The following SEPTIN7 variants were observed in gnomAD, a reference collection of about 807,000 sequenced individuals.
The protein encoded by SEPTIN7 is septin 7.
A neutral mutation model predicts 63.3 loss-of-function variants in SEPTIN7; 10 were observed. That is an observed-to-expected ratio of 0.16 (90% CI 0.10 to 0.27). SEPTIN7 has a LOEUF of 0.27. Ranked by LOEUF, SEPTIN7 falls within the 10% of genes least tolerant of loss-of-function variation. The pLI, the probability that SEPTIN7 is intolerant of heterozygous loss-of-function variation, is 1.00. For missense variants in SEPTIN7, 310 were observed against 521.0 expected (o/e 0.59, Z 3.94); for synonymous variants, 131 against 165.3 (o/e 0.79, Z 1.59).
chr7:35,877,219 C>T (rs1319222079), intron 6 of SEPTIN7, among the ~76,000 whole-genome samples: 2 of 151,984 alleles, frequency 1.3e-5, no homozygotes, highest in Non-Finnish European at 2.9e-5. Flanking sequence ...ACACTTTTTT[C>T]GTTGTGCTCC....
rs1562536632 is a variant in SEPTIN7 at position 35,838,240 on chromosome 7, C to CTTACTTA, written c.169+5340_169+5341insTTACTTA. ...CTTGATTTTTATATTATCCAAACTT[C>CTTACTTA]CTTCCTTCCTTCCTTCCTTCCTTCC... is the stretch of plus-strand genomic sequence containing the variant. On this transcript the variant is annotated intron_variant, in intron 3 of 13. Transcript: ENST00000350320. Among the ~76,000 whole-genome samples, 29 of 34,782 alleles carry CTTACTTA rather than the reference C, an allele frequency of 8.3e-4. 3 individuals are homozygous for CTTACTTA. Among genetic ancestry groups the CTTACTTA allele is most frequent in the African/African-American group, 1.8e-3 (15 of 8,170 alleles). The allele number at this position is 34,782 out of a possible 152,430, so 22.8% of individuals were successfully genotyped here. A position where few individuals can be genotyped will look rare whatever the true frequency, so the allele number is the denominator to read the frequency against.
chr7:35,883,804 T>C, intron 8 of SEPTIN7, 87 bp from the exon 9 acceptor site: 1 of 615,446 alleles, frequency 1.6e-6, no homozygotes, highest in Admixed American at 3.5e-5. Context: ...TTTTTTTGGC[T>C]AACCTGTTGA....
At position 35,906,266 on chromosome 7, in the gene SEPTIN7, A is replaced by T. The variant is rs1304488437; in HGVS notation, c.*1973A>T. On this transcript the variant is annotated 3_prime_UTR_variant, in exon 14 of 14. Coordinates refer to ENST00000350320, the MANE Select transcript of SEPTIN7 (RefSeq NM_001788.6). ...TTCTACCATCCTAATGAAAACTTTCAGAAGTCTTTCTTTATCCATGGCATG... is the reference window on the plus strand; with the variant it reads ...TTCTACCATCCTAATGAAAACTTTCTGAAGTCTTTCTTTATCCATGGCATG... 1 of 152,246 alleles carries T rather than the reference A, an allele frequency of 6.6e-6. No homozygotes were observed. Among genetic ancestry groups the T allele is most frequent in the Admixed American group, 6.5e-5 (1 of 15,284 alleles). 9.4% of individuals were successfully genotyped at this position (152,246 alleles called of 1,614,324 possible). A position where few individuals can be genotyped will look rare whatever the true frequency, so the allele number is the denominator to read the frequency against.
At chr7:35,807,279 G>T (rs1359661864) in intron 1 of SEPTIN7, among the ~76,000 whole-genome samples, 1 of 150,230 alleles carries the variant, frequency 6.7e-6, no homozygotes, top group Non-Finnish European at 1.5e-5. Flanking sequence ...CGCCTCCCCG[G>T]TTCAAGTGAT....
intron 10 of SEPTIN7, among the ~76,000 whole-genome samples, chr7:35,888,309 A>G (rs1189400694): frequency 6.6e-6 from 1 of 152,224 alleles, no homozygotes; most frequent in Non-Finnish European, 1.5e-5. Context: ...TGAAAAAATC[A>G]GAATTATGTA....
chr7:35,819,027 T>A (rs1789252597), intron 1 of SEPTIN7, among the ~76,000 whole-genome samples: 1 of 152,082 alleles, frequency 6.6e-6, no homozygotes, highest in Non-Finnish European at 1.5e-5. Flanking sequence ...ATTCTTTTTC[T>A]AGTTTCTTGA....
At chr7:35,851,169 A>G (rs780865444) in intron 3 of SEPTIN7, among the ~76,000 whole-genome samples, 1 of 152,144 alleles carries the variant, frequency 6.6e-6, no homozygotes, top group Admixed American at 6.5e-5. Context: ...CAAGTCCTCA[A>G]AGATAAGAAG....
downstream of SEPTIN7, among the ~76,000 whole-genome samples, chr7:35,909,306 A>G (rs977709743): frequency 2.0e-5 from 3 of 152,176 alleles, no homozygotes; most frequent in Non-Finnish European, 4.4e-5. Context: ...CAGGAACTCA[A>G]ATTGGCATTT....
intron 1 of SEPTIN7, chr7:35,803,267 A>G (rs1788115233): frequency 2.7e-6 from 1 of 365,848 alleles, no homozygotes; most frequent in African/African-American, 2.2e-5. Context: ...AGATTTGCAC[A>G]TTGTCCCGTA....
intron 1 of SEPTIN7, among the ~76,000 whole-genome samples, chr7:35,826,328 ATTAC>A (rs1461798181): frequency 6.6e-6 from 1 of 151,104 alleles, no homozygotes; most frequent in African/African-American, 2.4e-5. Flanking sequence ...CATATTTAGA[ATTAC>A]TTACACTTTA....
intron 1 of SEPTIN7, among the ~76,000 whole-genome samples, chr7:35,829,513 C>T (rs753152286): frequency 2.0e-5 from 3 of 152,126 alleles, no homozygotes; most frequent in Admixed American, 6.5e-5. Context: ...AAAGACTGTT[C>T]TTGTTGCTAA....
chr7:35,914,677 AC>A, the SEPTIN7 span, among the ~76,000 whole-genome samples: 1 of 151,732 alleles, frequency 6.6e-6, no homozygotes, highest in African/African-American at 2.4e-5. Flanking sequence ...ATATATACAC[AC>A]ACACACATAA....
intron 1 of SEPTIN7, among the ~76,000 whole-genome samples, chr7:35,806,685 G>T (rs1340866429): frequency 6.6e-6 from 1 of 152,194 alleles, no homozygotes; most frequent in Non-Finnish European, 1.5e-5. Flanking sequence ...CCCTGTTGGA[G>T]TTCTCCTTCT....
intron 1 of SEPTIN7, among the ~76,000 whole-genome samples, chr7:35,824,164 C>T (rs1583510647): frequency 6.6e-6 from 1 of 151,794 alleles, no homozygotes; most frequent in East Asian, 1.9e-4. Context: ...CTGCCTTCTT[C>T]CCCTATCTTT....
chr7:35,899,770 A>G (rs1788199296), intron 12 of SEPTIN7: 1 of 152,136 alleles, frequency 6.6e-6, no homozygotes, highest in Admixed American at 6.5e-5. Flanking sequence ...TATGGTCCCA[A>G]CTACTCAGGA....
At chr7:35,894,874 G>A (rs1787869822) in intron 11 of SEPTIN7, among the ~76,000 whole-genome samples, 1 of 152,168 alleles carries the variant, frequency 6.6e-6, no homozygotes, top group African/African-American at 2.4e-5. Context: ...AACTTGACTA[G>A]GTCATCCTTA....
In SEPTIN7 at chr7:35,801,091, T is replaced by G. The variant is rs1204684062; in HGVS notation, c.-119T>G. On this transcript the variant is annotated 5_prime_UTR_variant, in exon 1 of 14. Transcript: ENST00000350320. ...AGAGCCTGTGGAGGAGTCCGCCTGCTGTAGCGTGCGTAAGCAAGGCAGCTA... is the reference window on the plus strand; with the variant it reads ...AGAGCCTGTGGAGGAGTCCGCCTGCGGTAGCGTGCGTAAGCAAGGCAGCTA... 2.8e-6 allele frequency: 2 copies of G among 719,368 alleles called. No homozygotes were observed. Among genetic ancestry groups the G allele is most frequent in the Admixed American group, 4.0e-5 (1 of 24,710 alleles). 44.6% of individuals were successfully genotyped at this position (719,368 alleles called of 1,614,324 possible).
intron 3 of SEPTIN7, among the ~76,000 whole-genome samples, chr7:35,854,673 C>G (rs1315426149): frequency 6.6e-6 from 1 of 152,200 alleles, no homozygotes; most frequent in Non-Finnish European, 1.5e-5. Flanking sequence ...TCATTTTTCT[C>G]TTAACTTTTA....
chr7:35,913,298 T>C, the SEPTIN7 span, among the ~76,000 whole-genome samples: 1 of 152,222 alleles, frequency 6.6e-6, no homozygotes, highest in Non-Finnish European at 1.5e-5. Context: ...CCTCCTGATC[T>C]TCTCTGTAAC....
Sources: allele counts gnomAD v4.1 joint callset (sites outside exome capture counted in the v4.1 genomes callset), GRCh38; gene constraint gnomAD v4.1.1; transcripts MANE v1.5; gene names NCBI Gene and HGNC (gene_info 2026-07-23, HGNC 2026-07-21).